LHFPL3: variants seen among roughly 807,000 people sequenced by gnomAD.
The protein encoded by LHFPL3 is LHFPL tetraspan subfamily member 3 protein.
Under a neutral mutation model 19.3 loss-of-function variants are expected in LHFPL3, and 5 were observed. That is an observed-to-expected ratio of 0.26 (90% confidence interval 0.14 to 0.54). The LOEUF is 0.54. Ranked by LOEUF, LHFPL3 falls within the 20% of genes least tolerant of loss-of-function variation. LHFPL3 has a pLI of 0.94. For synonymous variants in LHFPL3, 133 were observed against 126.2 expected (o/e 1.05, Z -0.36); for missense variants, 249 against 307.4 (o/e 0.81, Z 1.42).
intron 1 of LHFPL3, among the ~76,000 whole-genome samples, chr7:104,502,059 G>C (rs978578323): frequency 6.6e-6 from 1 of 152,112 alleles, no homozygotes; most frequent in African/African-American, 2.4e-5. Flanking sequence ...ATACCTACAA[G>C]AAAAAAATGA....
At chr7:104,736,264 C>T (rs1035559371) in intron 1 of LHFPL3, among the ~76,000 whole-genome samples, 2 of 152,232 alleles carry the variant, frequency 1.3e-5, no homozygotes, top group African/African-American at 4.8e-5. Context: ...TTTGTGGCTG[C>T]TGTCATAGCT....
At chr7:104,888,517 TC>T (rs1461631747) in intron 2 of LHFPL3, among the ~76,000 whole-genome samples, 3 of 152,078 alleles carry the variant, frequency 2.0e-5, no homozygotes, top group Admixed American at 1.3e-4. Context: ...GTGACAGAGA[TC>T]CTGTCTTTTA....
intron 1 of LHFPL3, among the ~76,000 whole-genome samples, chr7:104,521,054 G>T (rs1794048657): frequency 6.6e-6 from 1 of 151,728 alleles, no homozygotes; most frequent in Non-Finnish European, 1.5e-5. Flanking sequence ...TGTCAGTTTT[G>T]GATCTTTCCT....
intron 1 of LHFPL3, among the ~76,000 whole-genome samples, chr7:104,380,935 T>C (rs986072886): frequency 5.9e-5 from 9 of 152,016 alleles, no homozygotes; most frequent in South Asian, 2.1e-4. Context: ...GTAGATTTAA[T>C]TGAAAATTGT....
intron 2 of LHFPL3, among the ~76,000 whole-genome samples, chr7:104,756,003 G>C (rs1020180512): frequency 6.6e-6 from 1 of 152,064 alleles, no homozygotes; most frequent in African/African-American, 2.4e-5. Context: ...CCTAGTATTA[G>C]TTTTAATAAG....
At chr7:104,842,019 C>G (rs1562811399) in intron 2 of LHFPL3, among the ~76,000 whole-genome samples, 3 of 151,920 alleles carry the variant, frequency 2.0e-5, no homozygotes, top group Non-Finnish European at 2.9e-5. Flanking sequence ...CATCCTCCCC[C>G]TCCTCTCCTC....
intron 2 of LHFPL3, among the ~76,000 whole-genome samples, chr7:104,873,254 A>G (rs1338619450): frequency 1.3e-5 from 2 of 152,224 alleles, no homozygotes; most frequent in East Asian, 3.8e-4. Flanking sequence ...GTGTATATGA[A>G]TATTTCTGTC....
chr7:104,749,493 A>G (rs1274052074), intron 2 of LHFPL3, among the ~76,000 whole-genome samples: 8 of 152,264 alleles, frequency 5.3e-5, no homozygotes, highest in African/African-American at 1.9e-4. Flanking sequence ...GTAAAGGCAA[A>G]TTTTTCGCAA....
rs79433898 is a variant in LHFPL3, at chr7:104,389,670, T to C, written c.445+60446T>C. Among the ~76,000 whole-genome samples the C allele has an allele frequency of 1.1e-3, 169 of 152,316 alleles. 1 individual carries two copies. Among genetic ancestry groups the C allele is most frequent in the Non-Finnish European group, 1.7e-3 (117 of 68,028 alleles). On this transcript the variant is annotated intron_variant, in intron 1 of 2. Transcript: ENST00000424859. ...GTTCTGACATAAGGATAGACATATATATCAAGGAATAGGATTGAGAGTCCA... is the reference window on the plus strand; with the variant it reads ...GTTCTGACATAAGGATAGACATATACATCAAGGAATAGGATTGAGAGTCCA...
At chr7:104,446,341 T>G (rs919087684) in intron 1 of LHFPL3, among the ~76,000 whole-genome samples, 2 of 152,208 alleles carry the variant, frequency 1.3e-5, no homozygotes, top group African/African-American at 4.8e-5. Flanking sequence ...GCTGTGTTGT[T>G]ACAGAACACA....
At chr7:104,851,888 A>C (rs141108801) in intron 2 of LHFPL3, among the ~76,000 whole-genome samples, 197 of 152,178 alleles carry the variant, frequency 1.3e-3, no homozygotes, top group African/African-American at 4.5e-3. Context: ...TCTCAGGCTC[A>C]AGCCTCTATT....
At chr7:104,607,532 G>A (rs1254570019) in intron 1 of LHFPL3, among the ~76,000 whole-genome samples, 1 of 152,184 alleles carries the variant, frequency 6.6e-6, no homozygotes, top group Non-Finnish European at 1.5e-5. Flanking sequence ...TCATCACCAT[G>A]AGTAAGTCCA....
At chr7:104,434,334 A>G (rs1377975729) in intron 1 of LHFPL3, among the ~76,000 whole-genome samples, 4 of 152,240 alleles carry the variant, frequency 2.6e-5, no homozygotes, top group Non-Finnish European at 5.9e-5. Flanking sequence ...CATGCCAGCA[A>G]TAGATTAATT....
intron 1 of LHFPL3, among the ~76,000 whole-genome samples, chr7:104,635,647 C>T (rs1791716515): frequency 6.6e-6 from 1 of 152,164 alleles, no homozygotes; most frequent in South Asian, 2.1e-4. Context: ...AAATTTATCT[C>T]TCTGTGCCAT....
At chr7:104,866,944 A>G (rs1187893723) in intron 2 of LHFPL3, among the ~76,000 whole-genome samples, 1 of 152,226 alleles carries the variant, frequency 6.6e-6, no homozygotes, top group Non-Finnish European at 1.5e-5. Context: ...GCTCAACTAC[A>G]TGGAAACTGA....
At chr7:104,819,026 C>T (rs558833138) in intron 2 of LHFPL3, among the ~76,000 whole-genome samples, 39 of 152,068 alleles carry the variant, frequency 2.6e-4, no homozygotes, top group Admixed American at 2.4e-3. Flanking sequence ...AAATCATGGC[C>T]CCCTATTGTG....
intron 1 of LHFPL3, among the ~76,000 whole-genome samples, chr7:104,568,363 G>A (rs943480444): frequency 6.6e-6 from 1 of 152,198 alleles, no homozygotes; most frequent in African/African-American, 2.4e-5. Context: ...GCCCCTTGAA[G>A]GCAGGGACCA....
intron 2 of LHFPL3, among the ~76,000 whole-genome samples, chr7:104,874,841 G>C (rs1443900245): frequency 2.0e-5 from 3 of 151,600 alleles, no homozygotes; most frequent in Non-Finnish European, 4.4e-5. Context: ...CAGTTTGATG[G>C]TTTGGTTCTT....
chr7:104,611,165 T>C (rs374367874), intron 1 of LHFPL3, among the ~76,000 whole-genome samples: 2 of 152,226 alleles, frequency 1.3e-5, no homozygotes, highest in South Asian at 4.1e-4. Flanking sequence ...GCAGTGATGA[T>C]AGCAGATAAA....
Sources: allele counts gnomAD v4.1 joint callset (sites outside exome capture counted in the v4.1 genomes callset), GRCh38; gene constraint gnomAD v4.1.1; transcripts MANE v1.5; gene names NCBI Gene and HGNC (gene_info 2026-07-23, HGNC 2026-07-21).